The following THSD7B variants were observed in gnomAD, a reference collection of about 807,000 sequenced individuals.
The protein encoded by THSD7B is thrombospondin type-1 domain-containing protein 7B.
THSD7B carries 138 observed loss-of-function variants against 213.6 expected under a neutral mutation model. The observed-to-expected ratio is 0.65, with a 90% confidence interval of 0.56 to 0.74. THSD7B has a LOEUF of 0.74. THSD7B is among the 30% of genes least tolerant of loss of function. The pLI, the probability that THSD7B is intolerant of heterozygous loss-of-function variation, is 0.00. For missense variants in THSD7B, 1,931 were observed against 1,991.5 expected (o/e 0.97, Z 0.58); for synonymous variants, 742 against 687.0 (o/e 1.08, Z -1.25).
chr2:136,799,517 G>C (rs559578751), intron 1 of THSD7B, among the ~76,000 whole-genome samples: 1 of 151,782 alleles, frequency 6.6e-6, no homozygotes, highest in African/African-American at 2.4e-5. Flanking sequence ...AGGTCAGTTC[G>C]GGTCAGCTAT....
In THSD7B at chr2:137,615,395, A is replaced by T. The variant is rs1682365214; in HGVS notation, c.3424-780A>T. Among the ~76,000 whole-genome samples, 3 of 152,270 alleles carry T rather than the reference A, an allele frequency of 2.0e-5. No homozygotes were observed. The South Asian group carries it at 6.2e-4, about 32-fold the overall frequency. ...TAGTGTTCTGAAAACGGTGAATAGG[A>T]TTTGGAGGACAGTGGAAAGAAGATT... On this transcript the variant is annotated intron_variant, in intron 17 of 27. Coordinates refer to ENST00000409968, the MANE Select transcript of THSD7B (RefSeq NM_001316349.2).
intron 4 of THSD7B, 47 bp from the exon 5 acceptor site, chr2:137,115,077 A>C: frequency 1.2e-6 from 2 of 1,608,272 alleles, no homozygotes; most frequent in Non-Finnish European, 1.7e-6. Context: ...AGAGTTGTAT[A>C]TTTTTCTTAC....
chr2:137,263,286 C>T (rs1441999979), intron 10 of THSD7B, among the ~76,000 whole-genome samples: 3 of 151,786 alleles, frequency 2.0e-5, no homozygotes, highest in Admixed American at 2.0e-4. Flanking sequence ...CACACACATA[C>T]ACATATATAT....
At position 137,663,548 on chromosome 2, in the gene THSD7B, G is replaced by T; in HGVS notation, c.4624G>T (p.Gly1542Ter). The T allele has an allele frequency of 6.2e-7, 1 of 1,608,678 alleles. No individual in the cohort carries two copies. Among genetic ancestry groups the T allele is most frequent in the South Asian group, 1.1e-5 (1 of 89,724 alleles). The change falls in exon 26 of 28, where the codon GGA becomes TGA. Residue 1542 changes from glycine to a stop codon, truncating the protein, a stop_gained. Coordinates refer to ENST00000409968, the MANE Select transcript of THSD7B (RefSeq NM_001316349.2). LOFTEE classifies it high-confidence loss of function. ...TTCAAAAATACATGATATTTTTAAA[G>T]GATGGTCTCTTCAACCACTTGATCC... is the stretch of plus-strand genomic sequence containing the variant. ...VNSKIHDIFK[G>*]WSLQPLDPDG...
intron 1 of THSD7B, among the ~76,000 whole-genome samples, chr2:136,849,995 C>T (rs1266509229): frequency 6.6e-6 from 1 of 151,970 alleles, no homozygotes; most frequent in Non-Finnish European, 1.5e-5. Flanking sequence ...TAAGCAGTAT[C>T]CTTTATTTGG....
chr2:137,580,461 G>A (rs1322578485), intron 17 of THSD7B, among the ~76,000 whole-genome samples: 1 of 152,020 alleles, frequency 6.6e-6, no homozygotes, highest in African/African-American at 2.4e-5. Context: ...TTGGTTCATA[G>A]TCTTAGGATT....
chr2:137,074,134 T>C (rs1051621806), intron 3 of THSD7B, among the ~76,000 whole-genome samples: 1 of 150,856 alleles, frequency 6.6e-6, no homozygotes, highest in African/African-American at 2.5e-5. Flanking sequence ...AATTCCTGGA[T>C]ATCCTTGTTA....
chr2:137,489,064 G>A (rs1688542842), intron 15 of THSD7B, among the ~76,000 whole-genome samples: 1 of 151,906 alleles, frequency 6.6e-6, no homozygotes, highest in Non-Finnish European at 1.5e-5. Context: ...TTTTTTCTAG[G>A]TTGTCTGTTA....
intron 20 of THSD7B, among the ~76,000 whole-genome samples, chr2:137,623,184 CA>C (rs2104844934): frequency 6.6e-6 from 1 of 152,236 alleles, no homozygotes; most frequent in East Asian, 1.9e-4. Flanking sequence ...ATATGCGAAT[CA>C]ATAAACATAA....
At chr2:136,963,305 A>AT (rs1407064229) in intron 2 of THSD7B, among the ~76,000 whole-genome samples, 4 of 152,074 alleles carry the variant, frequency 2.6e-5, no homozygotes, top group South Asian at 4.1e-4. Flanking sequence ...GGAAAGGCTC[A>AT]TTTTTTTCTC....
intron 1 of THSD7B, among the ~76,000 whole-genome samples, chr2:136,839,668 G>A (rs1365396872): frequency 6.6e-6 from 1 of 152,170 alleles, no homozygotes; most frequent in Non-Finnish European, 1.5e-5. Context: ...TCAAAAAAAT[G>A]ATCAATGCCT....
intron 17 of THSD7B, among the ~76,000 whole-genome samples, chr2:137,610,358 G>T (rs1682265625): frequency 6.6e-6 from 1 of 152,068 alleles, no homozygotes; most frequent in African/African-American, 2.4e-5. Context: ...AGTATTGAGA[G>T]TATCCATGGA....
chr2:137,624,516 T>A (rs576263160), intron 20 of THSD7B, among the ~76,000 whole-genome samples: 1 of 152,180 alleles, frequency 6.6e-6, no homozygotes, highest in East Asian at 1.9e-4. Context: ...CAAAAGAAAC[T>A]ACCATCAGAG....
intron 15 of THSD7B, among the ~76,000 whole-genome samples, chr2:137,451,702 T>C (rs1687655920): frequency 1.3e-5 from 2 of 152,110 alleles, no homozygotes; most frequent in African/African-American, 4.8e-5. Context: ...GTCTAAGATT[T>C]CATTAAGAAT....
chr2:137,344,759 T>C (rs1015608960), intron 12 of THSD7B, among the ~76,000 whole-genome samples: 1 of 151,610 alleles, frequency 6.6e-6, no homozygotes, highest in African/African-American at 2.4e-5. Flanking sequence ...AAGAGCATGA[T>C]GATGGTCTAA....
intron 2 of THSD7B, among the ~76,000 whole-genome samples, chr2:136,986,253 G>C (rs1429653196): frequency 6.6e-6 from 1 of 152,128 alleles, no homozygotes; most frequent in Non-Finnish European, 1.5e-5. Flanking sequence ...ATTAGATTTG[G>C]GCAGCCAGGG....
At chr2:136,853,375 G>A (rs765379277) in intron 1 of THSD7B, among the ~76,000 whole-genome samples, 3 of 152,094 alleles carry the variant, frequency 2.0e-5, no homozygotes, top group African/African-American at 4.8e-5. Context: ...TAGAGTACAG[G>A]CCTTTATTTT....
chr2:137,238,424 T>G (rs1250230933), intron 9 of THSD7B, among the ~76,000 whole-genome samples: 2 of 151,992 alleles, frequency 1.3e-5, no homozygotes, highest in African/African-American at 4.8e-5. Context: ...AATAAGGGAC[T>G]TAGGAGTGAT....
chr2:137,017,071 G>C (rs1423615051), intron 2 of THSD7B, among the ~76,000 whole-genome samples: 1 of 152,156 alleles, frequency 6.6e-6, no homozygotes, highest in East Asian at 1.9e-4. Context: ...GTTTCCATGA[G>C]ATTTGGGTAC....
Sources: gnomAD v4.1 joint callset for allele counts (sites outside exome capture counted in the v4.1 genomes callset) on GRCh38, gnomAD v4.1.1 for gene constraint, MANE v1.5 for transcripts, NCBI Gene and HGNC (gene_info 2026-07-23, HGNC 2026-07-21) for gene names.